ANK1: variants seen among roughly 807,000 people sequenced by gnomAD.
ANK1 encodes ankyrin-1.
A neutral mutation model predicts 210.4 loss-of-function variants in ANK1; 51 were observed. That is an observed-to-expected ratio of 0.24 (90% CI 0.19 to 0.31). The LOEUF (loss-of-function observed/expected upper bound fraction) is 0.31, where lower values mean the gene tolerates loss of function less well. ANK1 is among the 10% of genes least tolerant of loss of function. The pLI, the probability that ANK1 is intolerant of heterozygous loss-of-function variation, is 1.00. For synonymous variants in ANK1, 967 were observed against 1,025.9 expected (o/e 0.94, Z 1.10); for missense variants, 2,051 against 2,504.4 (o/e 0.82, Z 3.86).
intron 22 of ANK1, among the ~76,000 whole-genome samples, chr8:41,701,153 C>T (rs917775976): frequency 6.6e-6 from 1 of 152,336 alleles, no homozygotes; most frequent in African/African-American, 2.4e-5. Flanking sequence ...AAAAGGCATG[C>T]TCACAGATTT....
At chr8:41,844,494 G>A (rs557598608) in intron 1 of ANK1, among the ~76,000 whole-genome samples, 38 of 151,544 alleles carry the variant, frequency 2.5e-4, no homozygotes, top group Admixed American at 1.6e-3. Flanking sequence ...ACCCCTCCCC[G>A]CAACTGATGC....
intron 35 of ANK1, among the ~76,000 whole-genome samples, chr8:41,687,083 A>G (rs1817886924): frequency 6.6e-6 from 1 of 152,202 alleles, no homozygotes; most frequent in Admixed American, 6.5e-5. Flanking sequence ...AGTTTGTCAC[A>G]CGGCCTTTCC....
chr8:41,757,913 G>T, intron 2 of ANK1, 123 bp downstream of exon 2: 2 of 928,818 alleles, frequency 2.2e-6, no homozygotes, highest in Non-Finnish European at 3.5e-6. Flanking sequence ...ACAGGCAGGA[G>T]CCCTGGGGGA....
At chr8:41,870,899 A>G (rs1161566308) in intron 1 of ANK1, among the ~76,000 whole-genome samples, 2 of 152,104 alleles carry the variant, frequency 1.3e-5, no homozygotes, top group African/African-American at 4.8e-5. Context: ...TTCTGGAATC[A>G]AGGATGAGCT....
At chr8:41,775,276 T>TA (rs1586863219) in intron 1 of ANK1, among the ~76,000 whole-genome samples, 1 of 152,306 alleles carries the variant, frequency 6.6e-6, no homozygotes, top group East Asian at 1.9e-4. Context: ...ACCCTGAGAC[T>TA]CCTCCTTTAT....
chr8:41,689,827 G>A (rs374525828), intron 33 of ANK1, among the ~76,000 whole-genome samples: 110 of 152,338 alleles, frequency 7.2e-4, no homozygotes, highest in African/African-American at 2.6e-3. Context: ...AAGCCGTGCA[G>A]GGGCTGGGAG....
At chr8:41,849,369 C>T (rs1247365463) in intron 1 of ANK1, among the ~76,000 whole-genome samples, 1 of 152,144 alleles carries the variant, frequency 6.6e-6, no homozygotes, top group Non-Finnish European at 1.5e-5. Flanking sequence ...ACTAAAAATA[C>T]AAAAATTAGC....
intron 42 of ANK1, chr8:41,660,462 C>A (rs907156000): frequency 2.2e-6 from 1 of 460,394 alleles, no homozygotes; most frequent in Admixed American, 2.6e-5. Flanking sequence ...TGAGCTGCCC[C>A]GAGCTGGGCA....
At chr8:41,702,004 G>T (rs544669367) in intron 21 of ANK1, 48 bp downstream of exon 21, 2 of 1,563,262 alleles carry the variant, frequency 1.3e-6, no homozygotes, top group Non-Finnish European at 1.8e-6. Flanking sequence ...ACGCCTGTGC[G>T]CCAGGCTGAG....
intron 2 of ANK1, among the ~76,000 whole-genome samples, chr8:41,739,180 A>C (rs530808539): frequency 6.6e-6 from 1 of 151,860 alleles, no homozygotes; most frequent in South Asian, 2.1e-4. Context: ...CTTTTCTTTC[A>C]ATTTGAATTA....
intron 30 of ANK1, 89 bp downstream of exon 30, chr8:41,693,015 CA>C (rs1819712168): frequency 6.6e-7 from 1 of 1,515,212 alleles, no homozygotes; most frequent in East Asian, 2.3e-5. Flanking sequence ...ATGGAGGGGA[CA>C]GTGAGGGAGC....
At chr8:41,749,079 A>G in intron 2 of ANK1, among the ~76,000 whole-genome samples, 1 of 152,018 alleles carries the variant, frequency 6.6e-6, no homozygotes, top group East Asian at 1.9e-4. Context: ...GGACAAAAAC[A>G]TCTCCTGTAC....
Position 41,654,591 on chromosome 8 carries a change from C to T in ANK1, c.*1199G>A, listed in dbSNP as rs1563303477. On this transcript the variant is annotated 3_prime_UTR_variant, in exon 43 of 43. Transcript: ENST00000289734. ...GCAGATACATTCACTAGCCCTACTC[C>T]TTTCCTTCCTCTTTCACTGAAAGAC... is the stretch of plus-strand genomic sequence containing the variant. 1 of 152,692 alleles carries T rather than the reference C, an allele frequency of 6.5e-6. No homozygotes were observed. The highest frequency in any genetic ancestry group is 2.4e-5 in the African/African-American group (1 of 41,464). The allele number at this position is 152,692 out of a possible 1,614,324, so 9.5% of individuals were successfully genotyped here.
At chr8:41,802,959 GAGA>G (rs1300354344) in intron 1 of ANK1, among the ~76,000 whole-genome samples, 7 of 34,256 alleles carry the variant, frequency 2.0e-4, no homozygotes, top group South Asian at 2.2e-3. Flanking sequence ...GGGGGGGGGG[GAGA>G]GAGAGAGAGA....
chr8:41,668,331 C>T lies in ANK1; in HGVS notation c.5330G>A (p.Arg1777Gln), dbSNP rs138209011. 15 of 1,614,206 alleles carry T rather than the reference C, an allele frequency of 9.3e-6. No homozygotes were observed. The highest frequency in any genetic ancestry group is 4.5e-5 in the East Asian group (2 of 44,876). ...CTGCTCTTCTTGGCCTTGCTGCCTC[C>T]GGTCCCTGTCGGCCTGGGAGCTCTC... The part of the protein sequence containing the change: ...EAESSQADRD[R>Q]RQQGQEEQVQ... Residue 1777 changes from arginine (R) to glutamine (Q), a missense_variant, in exon 39 of 43, where the codon CGG (arginine) becomes CAG (glutamine). Arg to Gln is a conservative substitution (Grantham distance 43). This residue lies in a region of ANK1 where 496 missense variants were observed against 533.4 expected (regional missense o/e 0.93). Transcript: ENST00000289734.
At position 41,687,677 on chromosome 8, in the gene ANK1, T is replaced by C. The variant is rs144945010; in HGVS notation, c.4258+479A>G. Among the ~76,000 whole-genome samples the C allele has an allele frequency of 3.8e-3, 578 of 152,346 alleles. 2 individuals carry two copies. Among genetic ancestry groups the C allele is most frequent in the African/African-American group, 0.012 (512 of 41,584 alleles). On this transcript the variant is annotated intron_variant, in intron 35 of 42. Coordinates refer to ENST00000289734, the MANE Select transcript of ANK1 (RefSeq NM_000037.4). ...ACCCCGTGTCTCCGTGTGTCTTGAC[T>C]TGCCACTCACATTGGGCAATGGACC...
Position 41,712,629 on chromosome 8 carries a change from C to T in ANK1, c.1800+1527G>A, listed in dbSNP as rs147218536. Among the ~76,000 whole-genome samples the T allele has an allele frequency of 6.5e-3, 985 of 152,198 alleles. 11 individuals are homozygous for T. Among genetic ancestry groups the T allele is most frequent in the African/African-American group, 0.022 (932 of 41,514 alleles). ...ATGAGCTCATCCTAAGGAATGCACA[C>T]GGAGGGAGCTCTGCCCAAATGTTCA... On this transcript the variant is annotated intron_variant, in intron 16 of 42. Coordinates refer to ENST00000289734, the MANE Select transcript of ANK1 (RefSeq NM_000037.4).
At chr8:41,829,957 A>AAAAAAAAAAAAAAC (rs1806293121) in intron 1 of ANK1, 1 of 150,170 alleles carries the variant, frequency 6.7e-6, no homozygotes, top group Non-Finnish European at 1.5e-5. Context: ...AAAAAAAAAA[A>AAAAAAAAAAAAAAC]ATCTGACGTG....
chr8:41,723,081 G>A (rs759907075), intron 9 of ANK1, 44 bp downstream of exon 9: 7 of 1,564,984 alleles, frequency 4.5e-6, no homozygotes, highest in Non-Finnish European at 6.2e-6. Context: ...GTTGGACCTG[G>A]AGCCCTGTCT....
Sources: gnomAD v4.1 joint callset for allele counts (sites outside exome capture counted in the v4.1 genomes callset) on GRCh38, gnomAD v4.1.1 for gene constraint, gnomAD v4.1.1 regional missense constraint, MANE v1.5 for transcripts, NCBI Gene and HGNC (gene_info 2026-07-23, HGNC 2026-07-21) for gene names.